Variants in GPC5 observed in about 807,000 individuals in gnomAD.
The protein encoded by GPC5 is glypican 5.
Under a neutral mutation model 53.9 loss-of-function variants are expected in GPC5, and 47 were observed. That is an observed-to-expected ratio of 0.87 (90% CI 0.69 to 1.11). GPC5 has a LOEUF of 1.11. GPC5 is among the 50% of genes most tolerant of loss of function. GPC5 has a pLI of 0.00. For synonymous variants in GPC5, 286 were observed against 263.3 expected, an observed-to-expected ratio of 1.09 and a Z score of -0.84; for missense variants, 748 against 713.1, an observed-to-expected ratio of 1.05 and a Z score of -0.56.
chr13:91,593,983 CT>C (rs1455123983), intron 2 of GPC5, among the ~76,000 whole-genome samples: 2 of 150,878 alleles, frequency 1.3e-5, no homozygotes, highest in African/African-American at 4.9e-5. Flanking sequence ...TGAACAAGTT[CT>C]TATTTGGGAA....
At chr13:91,859,326 T>A (rs2039000839) in intron 5 of GPC5, among the ~76,000 whole-genome samples, 1 of 151,884 alleles carries the variant, frequency 6.6e-6, no homozygotes, top group African/African-American at 2.4e-5. Context: ...ATCCCATAGG[T>A]TTTGGTATGT....
intron 4 of GPC5, among the ~76,000 whole-genome samples, chr13:91,735,068 G>A (rs1395488457): frequency 6.6e-6 from 1 of 150,908 alleles, no homozygotes; most frequent in Non-Finnish European, 1.5e-5. Flanking sequence ...ATAAAATAAA[G>A]TGATTAGTAA....
At chr13:91,963,237 T>C (rs1349888866) in intron 6 of GPC5, among the ~76,000 whole-genome samples, 1 of 152,142 alleles carries the variant, frequency 6.6e-6, no homozygotes, top group Non-Finnish European at 1.5e-5. Flanking sequence ...GAATCCTAAT[T>C]CCCTGCTGCT....
At chr13:91,623,669 A>G (rs575605093) in intron 2 of GPC5, among the ~76,000 whole-genome samples, 1 of 152,260 alleles carries the variant, frequency 6.6e-6, no homozygotes, top group South Asian at 2.1e-4. Context: ...TTCATATGTA[A>G]AAAAATCTGA....
chr13:91,964,818 G>T (rs2040165076), intron 6 of GPC5, among the ~76,000 whole-genome samples: 1 of 152,070 alleles, frequency 6.6e-6, no homozygotes, highest in Admixed American at 6.5e-5. Flanking sequence ...CAATAGCAAA[G>T]ACTTGGAACC....
intron 7 of GPC5, among the ~76,000 whole-genome samples, chr13:92,272,855 A>AT (rs1487093526): frequency 6.6e-6 from 1 of 152,192 alleles, no homozygotes; most frequent in African/African-American, 2.4e-5. Context: ...TTAGAAAACA[A>AT]TTTGACAATC....
intron 6 of GPC5, among the ~76,000 whole-genome samples, chr13:91,977,720 G>A (rs1057310135): frequency 1.3e-5 from 2 of 152,126 alleles, no homozygotes; most frequent in Admixed American, 6.5e-5. Context: ...AGAATTCTAT[G>A]CAAACATACT....
At chr13:92,467,567 A>T (rs1296062291) in intron 7 of GPC5, among the ~76,000 whole-genome samples, 1 of 152,102 alleles carries the variant, frequency 6.6e-6, no homozygotes, top group East Asian at 1.9e-4. Flanking sequence ...ACACACAAAG[A>T]AATATATGAT....
intron 7 of GPC5, among the ~76,000 whole-genome samples, chr13:92,629,754 T>G (rs1283245968): frequency 6.6e-6 from 1 of 152,114 alleles, no homozygotes; most frequent in Admixed American, 6.6e-5. Context: ...TGACAGATGT[T>G]TGGGGAAACA....
At chr13:91,732,219 C>T (rs555818174) in intron 4 of GPC5, among the ~76,000 whole-genome samples, 109 of 152,268 alleles carry the variant, frequency 7.2e-4, no homozygotes, top group Admixed American at 7.2e-4. Context: ...CTTTAATGAT[C>T]GCCATTCTGA....
At chr13:91,442,131 G>A (rs1440019374) in intron 1 of GPC5, among the ~76,000 whole-genome samples, 2 of 152,144 alleles carry the variant, frequency 1.3e-5, no homozygotes, top group African/African-American at 4.8e-5. Context: ...CCACACAAAT[G>A]TATGGCTTAA....
At chr13:91,470,171 T>A (rs975165330) in intron 2 of GPC5, among the ~76,000 whole-genome samples, 2 of 152,196 alleles carry the variant, frequency 1.3e-5, no homozygotes, top group Non-Finnish European at 2.9e-5. Context: ...AGCTTGGTTA[T>A]GTCATGTCTT....
At position 91,920,926 on chromosome 13, in the gene GPC5, CTTTTTTTTTTTTTTTT is replaced by C; in HGVS notation, c.1401+12883_1401+12898del. Among the ~76,000 whole-genome samples the C allele has an allele frequency of 6.2e-5, 2 of 32,158 alleles. 1 individual carries two copies. The highest frequency in any genetic ancestry group is 2.3e-3 in the East Asian group (2 of 856). The allele number at this position is 32,158 out of a possible 152,430, so 21.1% of individuals were successfully genotyped here. A position where few individuals can be genotyped will look rare whatever the true frequency, so the allele number is the denominator to read the frequency against. ...TTTAAATCTCTCTCTCTCTCTCTCT[CTTTTTTTTTTTTTTTT>C]TTTTTTTTTTTTTGAGATAGAGTTT... On this transcript the variant is annotated intron_variant, in intron 6 of 7. Coordinates refer to ENST00000377067, the MANE Select transcript of GPC5 (RefSeq NM_004466.6).
chr13:91,567,555 C>T lies in GPC5; in HGVS notation c.325+118633C>T, dbSNP rs567496684. Among the ~76,000 whole-genome samples, 14 of 152,206 alleles carry T rather than the reference C, an allele frequency of 9.2e-5. No homozygotes were observed. The South Asian group carries it at 2.7e-3, about 29-fold the overall frequency. On this transcript the variant is annotated intron_variant, in intron 2 of 7. Coordinates refer to ENST00000377067, the MANE Select transcript of GPC5 (RefSeq NM_004466.6). ...AGGTTTTTTAATAGAGATTTCCACA[C>T]AAGTTGTTTTCAGAAGCAGTTATTT...
At chr13:91,948,978 A>G (rs1178435449) in intron 6 of GPC5, among the ~76,000 whole-genome samples, 1 of 152,198 alleles carries the variant, frequency 6.6e-6, no homozygotes, top group Non-Finnish European at 1.5e-5. Context: ...AGAGGGAGAT[A>G]TTAAGAAAGT....
At chr13:92,192,128 T>A (rs1016167274) in intron 7 of GPC5, among the ~76,000 whole-genome samples, 4 of 152,242 alleles carry the variant, frequency 2.6e-5, no homozygotes, top group Non-Finnish European at 5.9e-5. Flanking sequence ...TTTAAGGTGG[T>A]GAAGCTATTC....
intron 7 of GPC5, among the ~76,000 whole-genome samples, chr13:92,738,047 A>C (rs1381927989): frequency 6.6e-6 from 1 of 151,936 alleles, no homozygotes; most frequent in Non-Finnish European, 1.5e-5. Context: ...TACAGGCATG[A>C]GCCACTGTGC....
chr13:91,663,534 T>G (rs970695030), intron 2 of GPC5, among the ~76,000 whole-genome samples: 1 of 152,188 alleles, frequency 6.6e-6, no homozygotes, highest in African/African-American at 2.4e-5. Context: ...CAAAGCTCAC[T>G]GTAACTTCAT....
intron 7 of GPC5, among the ~76,000 whole-genome samples, chr13:92,733,211 C>T (rs534442488): frequency 1.1e-4 from 17 of 151,544 alleles, no homozygotes; most frequent in African/African-American, 3.9e-4. Flanking sequence ...ATTTTTGAGC[C>T]GATAAATCTC....
Sources: allele counts gnomAD v4.1 joint callset (sites outside exome capture counted in the v4.1 genomes callset), GRCh38; gene constraint gnomAD v4.1.1; transcripts MANE v1.5; gene names NCBI Gene and HGNC (gene_info 2026-07-23, HGNC 2026-07-21).